The following RPGRIP1L variants were observed in gnomAD, a reference collection of about 807,000 sequenced individuals.
RPGRIP1L encodes the protein RPGRIP1 like, also known as protein fantom.
Under a neutral mutation model 160.4 loss-of-function variants are expected in RPGRIP1L, and 131 were observed. The observed-to-expected ratio is 0.82, with a 90% CI of 0.71 to 0.94. The LOEUF is 0.94. Among genes scored for constraint, RPGRIP1L ranks in the 40% least tolerant of loss-of-function variants. The pLI, the probability that RPGRIP1L is intolerant of heterozygous loss-of-function variation, is 0.00. For synonymous variants in RPGRIP1L, 510 were observed against 515.8 expected (o/e 0.99, Z 0.15); for missense variants, 1,522 against 1,535.8 (o/e 0.99, Z 0.15).
At chr16:53,638,002 A>G in intron 20 of RPGRIP1L, 148 bp from the exon 21 acceptor site, 2 of 758,126 alleles carry the variant, frequency 2.6e-6, no homozygotes, top group Non-Finnish European at 4.4e-6. Context: ...GAAAACAACC[A>G]CTTCAATTTG....
chr16:53,635,221 A>G (rs1965764857), intron 22 of RPGRIP1L, among the ~76,000 whole-genome samples: 1 of 152,198 alleles, frequency 6.6e-6, no homozygotes, highest in African/African-American at 2.4e-5. Flanking sequence ...GCAATGTACA[A>G]CTTCACTGAG....
chr16:53,638,492 G>A (rs531008300), intron 19 of RPGRIP1L, 81 bp from the exon 20 acceptor site: 3 of 760,322 alleles, frequency 3.9e-6, no homozygotes, highest in African/African-American at 3.5e-5. Flanking sequence ...TATACATATT[G>A]AACTACTAAA....
Position 53,645,972 on chromosome 16 carries a change from AGTT to A in RPGRIP1L, c.2333_2335del (p.Gln778del). ...GCCATCTGTGGAATCTGTAGAACTGAGTTGAGCAGTTTTGGGTGCTTGCTGACT... is the reference window on the plus strand; with the variant it reads ...GCCATCTGTGGAATCTGTAGAACTGAGAGCAGTTTTGGGTGCTTGCTGACT... On this transcript the variant is annotated inframe_deletion, in exon 17 of 27. Transcript: ENST00000647211. The A allele has an allele frequency of 1.9e-6, 3 of 1,614,114 alleles. No individual in the cohort carries two copies.
At chr16:53,606,065 A>T (rs1963663787) in intron 25 of RPGRIP1L, among the ~76,000 whole-genome samples, 1 of 152,218 alleles carries the variant, frequency 6.6e-6, no homozygotes, top group South Asian at 2.1e-4. Flanking sequence ...AATTTAACAA[A>T]ACTGTATGTG....
chr16:53,683,431 G>A (rs978566292), intron 6 of RPGRIP1L, among the ~76,000 whole-genome samples: 4 of 152,098 alleles, frequency 2.6e-5, no homozygotes, highest in African/African-American at 9.7e-5. Flanking sequence ...GTTATTAGAC[G>A]ATATCAAAGA....
At chr16:53,620,018 T>C (rs1222206353) in intron 23 of RPGRIP1L, among the ~76,000 whole-genome samples, 2 of 152,158 alleles carry the variant, frequency 1.3e-5, no homozygotes, top group Non-Finnish European at 2.9e-5. Context: ...TAAATCTGTT[T>C]TTTACAATTT....
At chr16:53,669,470 A>C (rs763363032) in intron 9 of RPGRIP1L, among the ~76,000 whole-genome samples, 4 of 151,432 alleles carry the variant, frequency 2.6e-5, no homozygotes, top group Admixed American at 6.6e-5. Flanking sequence ...AAAAAAAAAA[A>C]CCCTTCAAAT....
At chr16:53,676,608 AT>A (rs1969192571) in intron 6 of RPGRIP1L, among the ~76,000 whole-genome samples, 1 of 151,964 alleles carries the variant, frequency 6.6e-6, no homozygotes, top group East Asian at 1.9e-4. Flanking sequence ...CTGATATTTT[AT>A]TTTTGTTTTA....
At chr16:53,615,160 T>A (rs1245409579) in intron 24 of RPGRIP1L, among the ~76,000 whole-genome samples, 1 of 152,198 alleles carries the variant, frequency 6.6e-6, no homozygotes, top group East Asian at 1.9e-4. Flanking sequence ...AAAGACAGAC[T>A]GTTCCATCCC....
chr16:53,626,806 C>CAAAAA (rs397956424), intron 22 of RPGRIP1L, among the ~76,000 whole-genome samples: 1 of 93,800 alleles, frequency 1.1e-5, no homozygotes, highest in African/African-American at 3.6e-5. Context: ...CCCTGTCTCT[C>CAAAAA]AAAAAAAAAA....
intron 1 of RPGRIP1L, among the ~76,000 whole-genome samples, chr16:53,701,344 T>A (rs1971378024): frequency 6.6e-6 from 1 of 151,832 alleles, no homozygotes; most frequent in Non-Finnish European, 1.5e-5. Flanking sequence ...TGGGTTTGTG[T>A]TTTTTTGTGT....
chr16:53,688,872 G>T (rs947716247), intron 4 of RPGRIP1L, among the ~76,000 whole-genome samples: 1 of 151,922 alleles, frequency 6.6e-6, no homozygotes, highest in Non-Finnish European at 1.5e-5. Flanking sequence ...CAGAAGAATA[G>T]AAAAGGCTCT....
rs74396053 is a variant in RPGRIP1L at position 53,652,561 on chromosome 16, C to T, written c.2126G>A (p.Arg709Gln). The stretch of plus-strand genomic sequence containing the variant: ...AATCAAACTTGCTGTACAAAATATT[C>T]GGCCGCTTTTTTCAAGAATTTCGTG... Reference protein sequence around the residue: ...KFHEILEKSGRIFCTASLIGT... With the variant: ...KFHEILEKSGQIFCTASLIGT... The change falls in exon 15 of 27, where the codon CGA becomes CAA. Residue 709 changes from arginine (R) to glutamine (Q), a missense_variant. Arg to Gln is a conservative substitution (Grantham distance 43). Coordinates refer to ENST00000647211, the MANE Select transcript of RPGRIP1L (RefSeq NM_015272.5). The T allele has an allele frequency of 9.3e-6, 15 of 1,613,662 alleles. No homozygotes were observed. Among genetic ancestry groups the T allele is most frequent in the South Asian group, 6.6e-5 (6 of 91,062 alleles).
chr16:53,699,813 G>A (rs1212594903), intron 2 of RPGRIP1L, among the ~76,000 whole-genome samples: 5 of 98,626 alleles, frequency 5.1e-5, no homozygotes, highest in African/African-American at 1.7e-4. Context: ...GCGAGACTTC[G>A]TCTCAAAAAA....
chr16:53,649,095 T>G lies in RPGRIP1L; in HGVS notation c.2173A>C (p.Asn725His), dbSNP rs373201651. 6.2e-7 allele frequency: 1 copy of G among 1,614,064 alleles called. No individual in the cohort carries two copies. Among genetic ancestry groups the G allele is most frequent in the Non-Finnish European group, 8.5e-7 (1 of 1,179,972 alleles). ...SLIGTKGDIP[N>H]FGTVEYWFRL... Reference sequence around the variant, plus strand: ...AACCAGTATTCCACTGTGCCAAAATTTGGGATGTCTCCTTTTGTTCCTACA... The same window carrying G: ...AACCAGTATTCCACTGTGCCAAAATGTGGGATGTCTCCTTTTGTTCCTACA... Residue 725 changes from asparagine to histidine, a missense_variant, in exon 16 of 27, where the codon AAT (asparagine) becomes CAT (histidine). Asn to His is a moderately conservative substitution (Grantham distance 68). Coordinates refer to ENST00000647211, the MANE Select transcript of RPGRIP1L (RefSeq NM_015272.5).
chr16:53,692,543 C>T (rs1209583140), intron 3 of RPGRIP1L, among the ~76,000 whole-genome samples, 179 bp from the exon 4 acceptor site: 3 of 152,156 alleles, frequency 2.0e-5, no homozygotes, highest in Non-Finnish European at 4.4e-5. Context: ...AACCACTGGG[C>T]AACAATCTGC....
At chr16:53,644,678 C>A (rs907755041) in intron 17 of RPGRIP1L, among the ~76,000 whole-genome samples, 1 of 152,132 alleles carries the variant, frequency 6.6e-6, no homozygotes, top group African/African-American at 2.4e-5. Flanking sequence ...ACTCAAAGTG[C>A]AGAAAGTTAA....
Position 53,700,663 on chromosome 16 carries a change from G to GTAT in RPGRIP1L, c.60_61insATA (p.Asn20_Leu21insIle). 6.2e-7 allele frequency: 1 copy of GTAT among 1,613,366 alleles called. No individual in the cohort carries two copies. Among genetic ancestry groups the GTAT allele is most frequent in the South Asian group, 1.1e-5 (1 of 90,896 alleles). ...CCTTGTAACCCTCCCATTCCAAAGAGGTTTAGACCTGTATCTTTCACAGGC... is the reference window on the plus strand; with the variant it reads ...CCTTGTAACCCTCCCATTCCAAAGAGTATGTTTAGACCTGTATCTTTCACAGGC... On this transcript the variant is annotated inframe_insertion, in exon 2 of 27. Coordinates refer to ENST00000647211, the MANE Select transcript of RPGRIP1L (RefSeq NM_015272.5).
chr16:53,691,842 C>T (rs770729428), intron 4 of RPGRIP1L, among the ~76,000 whole-genome samples: 3 of 152,186 alleles, frequency 2.0e-5, no homozygotes, highest in Non-Finnish European at 2.9e-5. Flanking sequence ...ACATCTCTTA[C>T]ATTAAGGTTA....
Sources: allele counts gnomAD v4.1 joint callset (sites outside exome capture counted in the v4.1 genomes callset), GRCh38; gene constraint gnomAD v4.1.1; transcripts MANE v1.5; gene names NCBI Gene and HGNC (gene_info 2026-07-23, HGNC 2026-07-21).